The following GNA14 variants were observed in gnomAD, a reference collection of about 807,000 sequenced individuals.
GNA14 encodes the protein guanine nucleotide-binding protein subunit alpha-14.
GNA14 carries 50 observed loss-of-function variants against 42.0 expected under a neutral mutation model. That is an observed-to-expected ratio of 1.19 (90% CI 0.95 to 1.51). The LOEUF (loss-of-function observed/expected upper bound fraction) is 1.51. Ranked by LOEUF, GNA14 falls within the 40% of genes most tolerant of loss-of-function variation. The probability of loss-of-function intolerance (pLI) is 0.00; values close to 1 mark genes in which losing one functional copy is unlikely to be tolerated. For synonymous variants in GNA14, 173 were observed against 163.1 expected (o/e 1.06, Z -0.46); for missense variants, 473 against 446.2 (o/e 1.06, Z -0.54).
chr9:77,435,252 G>A (rs1012460711), intron 2 of GNA14, among the ~76,000 whole-genome samples: 1 of 152,022 alleles, frequency 6.6e-6, no homozygotes, highest in African/African-American at 2.4e-5. Context: ...AGCTACTCAG[G>A]AGGCTGAGGC....
intron 2 of GNA14, among the ~76,000 whole-genome samples, chr9:77,505,324 A>G (rs756405117): frequency 6.6e-6 from 1 of 152,244 alleles, no homozygotes; most frequent in Non-Finnish European, 1.5e-5. Flanking sequence ...GAATAACGGC[A>G]TGAATAATCA....
At chr9:77,429,482 A>T (rs1487897661) in intron 4 of GNA14, among the ~76,000 whole-genome samples, 1 of 152,192 alleles carries the variant, frequency 6.6e-6, no homozygotes, top group Non-Finnish European at 1.5e-5. Context: ...TTACCTGTAA[A>T]TCCTTTCTGC....
At chr9:77,555,461 A>C (rs1353943445) in intron 1 of GNA14, among the ~76,000 whole-genome samples, 1 of 152,182 alleles carries the variant, frequency 6.6e-6, no homozygotes, top group Non-Finnish European at 1.5e-5. Flanking sequence ...CCGAGACTGC[A>C]CCACTGCACT....
Position 77,431,529 on chromosome 9 carries a change from C to G in GNA14, c.465-80G>C, listed in dbSNP as rs1023152124. ...CATCCTACTCAAAGGAAGTCACCCC[C>G]CACTCACAGTGAGCCCCACACAGAC... On this transcript the variant is annotated intron_variant, in intron 3 of 6. Transcript: ENST00000341700. 18 of 1,321,414 alleles carry G rather than the reference C, an allele frequency of 1.4e-5. No individual in the cohort carries two copies. In the African/African-American group the frequency reaches 1.4e-4, roughly 11 times the overall value. 81.9% of individuals were successfully genotyped at this position (1,321,414 alleles called of 1,614,324 possible). A position where few individuals can be genotyped will look rare whatever the true frequency, so the allele number is the denominator to read the frequency against.
At position 77,581,158 on chromosome 9, in the gene GNA14, G is replaced by A. The variant is rs541198670; in HGVS notation, c.125-51905C>T. Among the ~76,000 whole-genome samples, 5 of 152,288 alleles carry A rather than the reference G, an allele frequency of 3.3e-5. No individual in the cohort carries two copies. In the East Asian group the frequency reaches 9.7e-4, roughly 29 times the overall value. ...TTTTTGCAGGGTGTGTTTACGGGCA[G>A]GGAGATGTGGGAGTGGAAGGAGTCC... On this transcript the variant is annotated intron_variant, in intron 1 of 6. Coordinates refer to ENST00000341700, the MANE Select transcript of GNA14 (RefSeq NM_004297.4).
chr9:77,542,181 T>G (rs544904282), intron 1 of GNA14, among the ~76,000 whole-genome samples: 1 of 152,204 alleles, frequency 6.6e-6, no homozygotes, highest in African/African-American at 2.4e-5. Flanking sequence ...AGGGGAGGAC[T>G]TTTTCCTGAA....
chr9:77,440,924 C>T (rs1835721778), intron 2 of GNA14, among the ~76,000 whole-genome samples: 2 of 152,124 alleles, frequency 1.3e-5, no homozygotes, highest in South Asian at 4.1e-4. Context: ...CTATGTTGGC[C>T]AGGCTGGTCC....
chr9:77,525,919 A>AC (rs1837429022), intron 2 of GNA14, among the ~76,000 whole-genome samples: 1 of 149,980 alleles, frequency 6.7e-6, no homozygotes, highest in Non-Finnish European at 1.5e-5. Context: ...TAAAAAAAAA[A>AC]AAAAACGGAG....
At chr9:77,550,401 G>T (rs543489146) in intron 1 of GNA14, among the ~76,000 whole-genome samples, 12 of 152,284 alleles carry the variant, frequency 7.9e-5, no homozygotes, top group Admixed American at 5.2e-4. Context: ...AAGAAACTTT[G>T]CAAGCATGTA....
chr9:77,435,856 C>A (rs1276955904), intron 2 of GNA14, among the ~76,000 whole-genome samples: 1 of 152,154 alleles, frequency 6.6e-6, no homozygotes, highest in Non-Finnish European at 1.5e-5. Context: ...ACAAGTGAAT[C>A]CTGGCAAGAG....
chr9:77,510,128 C>A (rs1478296415), intron 2 of GNA14, among the ~76,000 whole-genome samples: 1 of 152,182 alleles, frequency 6.6e-6, no homozygotes. Context: ...TCATTGCCTT[C>A]CAACTCCCCC....
chr9:77,604,880 C>T (rs1823625104), intron 1 of GNA14, among the ~76,000 whole-genome samples: 1 of 152,222 alleles, frequency 6.6e-6, no homozygotes, highest in Admixed American at 6.5e-5. Flanking sequence ...CCCAACATTC[C>T]AGTCCTCTGG....
intron 1 of GNA14, among the ~76,000 whole-genome samples, chr9:77,608,148 A>G (rs1446654591): frequency 6.6e-6 from 1 of 152,218 alleles, no homozygotes; most frequent in African/African-American, 2.4e-5. Context: ...ACTGAACCAA[A>G]GAAGATTATT....
chr9:77,530,056 C>T (rs1001664721), intron 1 of GNA14, among the ~76,000 whole-genome samples: 18 of 152,188 alleles, frequency 1.2e-4, no homozygotes, highest in African/African-American at 4.3e-4. Context: ...ATGATGTGTC[C>T]TATTCATGGC....
At position 77,621,577 on chromosome 9, in the gene GNA14, T is replaced by C. The variant is rs534547493; in HGVS notation, c.124+26093A>G. On this transcript the variant is annotated intron_variant, in intron 1 of 6. Coordinates refer to ENST00000341700, the MANE Select transcript of GNA14 (RefSeq NM_004297.4). ...AAACCAAAACCTCTTTCTCATTTCC[T>C]CCACCTGCCCCACCCGTTAATATAG... 1.6e-4 allele frequency among the ~76,000 whole-genome samples: 24 copies of C among 152,272 alleles called. 2 individuals carry two copies. In the East Asian group the frequency reaches 4.6e-3, roughly 29 times the overall value.
chr9:77,641,098 GGGGAAGGAAGGAA>G (rs1564073564), intron 1 of GNA14, among the ~76,000 whole-genome samples: 198 of 17,670 alleles, frequency 0.011, 21 homozygotes, highest in Non-Finnish European at 0.012. Flanking sequence ...AGGGGAGGGG[GGGGAAGGAAGGAA>G]GGAAGGAAGG....
Position 77,519,629 on chromosome 9 carries a change from G to T in GNA14, c.309+9440C>A, listed in dbSNP as rs74757296. ...CACATGGACACAGAGTATGAAATAA[G>T]AGACACTGGAGACTACGTAGGGTGG... On this transcript the variant is annotated intron_variant, in intron 2 of 6. Transcript: ENST00000341700. 8.3e-3 allele frequency among the ~76,000 whole-genome samples: 1,266 copies of T among 152,238 alleles called. 22 individuals are homozygous for T. Among genetic ancestry groups the T allele is most frequent in the African/African-American group, 0.029 (1,188 of 41,542 alleles).
intron 2 of GNA14, among the ~76,000 whole-genome samples, chr9:77,434,896 C>T (rs2131692772): frequency 6.6e-6 from 1 of 152,258 alleles, no homozygotes; most frequent in Non-Finnish European, 1.5e-5. Flanking sequence ...ATTTGAGTAT[C>T]TGCATAGCCA....
At chr9:77,528,933 C>T in intron 2 of GNA14, 136 bp downstream of exon 2, 1 of 732,340 alleles carries the variant, frequency 1.4e-6, no homozygotes, top group Non-Finnish European at 2.4e-6. Context: ...CCTTAAACTC[C>T]TCTCAGTGAT....
Sources: gnomAD v4.1 joint callset for allele counts (sites outside exome capture counted in the v4.1 genomes callset) on GRCh38, gnomAD v4.1.1 for gene constraint, MANE v1.5 for transcripts, NCBI Gene and HGNC (gene_info 2026-07-23, HGNC 2026-07-21) for gene names.